Variants in KCNMA1 observed in about 807,000 individuals in gnomAD.
KCNMA1 encodes the protein potassium calcium-activated channel subfamily M alpha 1, also known as Calcium-activated potassium channel subunit alpha-1.
KCNMA1 carries 29 observed loss-of-function variants against 140.0 expected under a neutral mutation model. The ratio of observed to expected loss-of-function variants is 0.21; its 90% confidence interval spans 0.15 to 0.28. The LOEUF is 0.28. KCNMA1 is among the 10% of genes least tolerant of loss of function. The pLI is 1.00. For synonymous variants in KCNMA1, 612 were observed against 611.9 expected (o/e 1.00, Z 0.00); for missense variants, 880 against 1,602.2 (o/e 0.55, Z 7.70).
chr10:77,411,915 G>A (rs1206173891), intron 1 of KCNMA1, among the ~76,000 whole-genome samples: 2 of 152,230 alleles, frequency 1.3e-5, no homozygotes, highest in Admixed American at 6.5e-5. Context: ...CTATGCAGAT[G>A]CTGCTAAAGG....
Position 76,966,338 on chromosome 10 carries a change from T to A in KCNMA1, c.2360+3636A>T, listed in dbSNP as rs183233889. ...TCATCAACCAAAAAGCATTTGTACG[T>A]GCAACTATGTGGAGGTGGCTCTGGA... On this transcript the variant is annotated intron_variant, in intron 20 of 27. Transcript: ENST00000286628. 2.5e-3 allele frequency among the ~76,000 whole-genome samples: 385 copies of A among 152,322 alleles called. 2 individuals carry two copies. Among genetic ancestry groups the A allele is most frequent in the Middle Eastern group, 3.4e-3 (1 of 294 alleles).
rs534450652 is a variant in KCNMA1, at chr10:77,462,128, A to T, written c.379-58105T>A. Among the ~76,000 whole-genome samples, 66 of 152,178 alleles carry T rather than the reference A, an allele frequency of 4.3e-4. 1 individual carries two copies. In the South Asian group the frequency reaches 0.013, roughly 31 times the overall value. ...GAAACATGCACACACTAACATAAAC[A>T]CATACATGCACACACATACACGCAT... is the stretch of plus-strand genomic sequence containing the variant. On this transcript the variant is annotated intron_variant, in intron 1 of 27. Transcript: ENST00000286628.
At chr10:77,406,786 A>G (rs1485663133) in intron 1 of KCNMA1, among the ~76,000 whole-genome samples, 1 of 152,090 alleles carries the variant, frequency 6.6e-6, no homozygotes, top group Non-Finnish European at 1.5e-5. Flanking sequence ...CTGAGGCTCT[A>G]GTGTTTCCTT....
At chr10:76,972,756 G>A (rs909464616) in intron 19 of KCNMA1, among the ~76,000 whole-genome samples, 1 of 152,202 alleles carries the variant, frequency 6.6e-6, no homozygotes, top group African/African-American at 2.4e-5. Flanking sequence ...GTTCCCTGAA[G>A]AGATGGGGGA....
intron 4 of KCNMA1, among the ~76,000 whole-genome samples, chr10:77,184,265 G>C (rs970786300): frequency 2.0e-5 from 3 of 152,124 alleles, no homozygotes; most frequent in Non-Finnish European, 2.9e-5. Flanking sequence ...TGTTGCCCAG[G>C]CTGGAGTGCA....
intron 12 of KCNMA1, among the ~76,000 whole-genome samples, chr10:77,082,110 C>A (rs982097579): frequency 1.4e-5 from 2 of 145,456 alleles, no homozygotes; most frequent in Admixed American, 7.0e-5. Context: ...CTCACTGCAA[C>A]CTCCGCCTCC....
At chr10:77,105,594 A>C (rs771102542) in intron 9 of KCNMA1, among the ~76,000 whole-genome samples, 11 of 152,150 alleles carry the variant, frequency 7.2e-5, no homozygotes, top group Non-Finnish European at 1.5e-4. Context: ...CATTTATTTG[A>C]TTGGGTCCTG....
At chr10:76,901,525 G>C (rs1327936211) in intron 25 of KCNMA1, 1 of 152,170 alleles carries the variant, frequency 6.6e-6, no homozygotes, top group East Asian at 1.9e-4. Context: ...TCCCACTTCT[G>C]TGTTGAAATC....
intron 2 of KCNMA1, among the ~76,000 whole-genome samples, chr10:77,313,216 G>A (rs1339341331): frequency 6.6e-6 from 1 of 152,098 alleles, no homozygotes; most frequent in Non-Finnish European, 1.5e-5. Context: ...GCATAAAGCT[G>A]GTCTACACAT....
At chr10:77,183,192 T>A (rs979415157) in intron 5 of KCNMA1, among the ~76,000 whole-genome samples, 4 of 152,150 alleles carry the variant, frequency 2.6e-5, no homozygotes, top group Non-Finnish European at 5.9e-5. Context: ...CCACTAGGCT[T>A]TGACAATGAT....
At chr10:77,081,117 G>T (rs1298703184) in intron 12 of KCNMA1, among the ~76,000 whole-genome samples, 1 of 152,134 alleles carries the variant, frequency 6.6e-6, no homozygotes, top group African/African-American at 2.4e-5. Flanking sequence ...ATCAATTATG[G>T]TGCTAAAGGG....
intron 9 of KCNMA1, among the ~76,000 whole-genome samples, chr10:77,098,666 G>C (rs1407772029): frequency 6.6e-6 from 1 of 151,934 alleles, no homozygotes; most frequent in Non-Finnish European, 1.5e-5. Flanking sequence ...TGGTAGACTT[G>C]TTTACCTTTA....
intron 1 of KCNMA1, among the ~76,000 whole-genome samples, chr10:77,553,230 T>C (rs553131178): frequency 2.8e-4 from 42 of 152,312 alleles, no homozygotes; most frequent in Non-Finnish European, 6.2e-4. Flanking sequence ...TTCTTCTTTT[T>C]TTTCCCCCGT....
intron 14 of KCNMA1, among the ~76,000 whole-genome samples, chr10:77,057,914 AAAT>A (rs1477276890): frequency 2.6e-5 from 4 of 151,892 alleles, no homozygotes; most frequent in African/African-American, 7.2e-5. Context: ...CCAAACATAT[AAAT>A]AATAATATTA....
intron 1 of KCNMA1, among the ~76,000 whole-genome samples, chr10:77,487,253 A>G (rs977323606): frequency 6.6e-6 from 1 of 152,144 alleles, no homozygotes; most frequent in Non-Finnish European, 1.5e-5. Context: ...TCTGTAGGTA[A>G]TACATTTTTT....
chr10:77,234,899 C>A lies in KCNMA1; in HGVS notation c.602+16296G>T, dbSNP rs192606713. On this transcript the variant is annotated intron_variant, in intron 3 of 27. Transcript: ENST00000286628. Reference sequence around the variant, plus strand: ...AGAGAGGAGGAATTTTCTTCCTGTTCAACTGAGAAAGCTAAGATCCTGTGA... The same window carrying A: ...AGAGAGGAGGAATTTTCTTCCTGTTAAACTGAGAAAGCTAAGATCCTGTGA... Among the ~76,000 whole-genome samples, 17 of 152,252 alleles carry A rather than the reference C, an allele frequency of 1.1e-4. No homozygotes were observed. The East Asian group carries it at 3.3e-3, about 29-fold the overall frequency.
chr10:76,979,843 T>G (rs1321330967), intron 19 of KCNMA1: 1 of 152,194 alleles, frequency 6.6e-6, no homozygotes, highest in Admixed American at 6.5e-5. Context: ...GGGTTTTTAG[T>G]GCAAGCCAGG....
At chr10:77,506,136 G>C (rs1299310915) in intron 1 of KCNMA1, among the ~76,000 whole-genome samples, 2 of 152,136 alleles carry the variant, frequency 1.3e-5, no homozygotes, top group African/African-American at 2.4e-5. Flanking sequence ...AAAGAGTGAT[G>C]GGGTGAATCA....
chr10:76,920,686 T>A (rs939646379), intron 23 of KCNMA1, among the ~76,000 whole-genome samples: 2 of 152,168 alleles, frequency 1.3e-5, no homozygotes, highest in African/African-American at 4.8e-5. Context: ...GCATACCCAA[T>A]TGGTAAGTGT....
Sources: allele counts gnomAD v4.1 joint callset (sites outside exome capture counted in the v4.1 genomes callset), GRCh38; gene constraint gnomAD v4.1.1; transcripts MANE v1.5; gene names NCBI Gene and HGNC (gene_info 2026-07-23, HGNC 2026-07-21).